RNF150: variants seen among roughly 807,000 people sequenced by gnomAD.
RNF150 encodes ring finger protein 150.
Under a neutral mutation model 39.3 loss-of-function variants are expected in RNF150, and 24 were observed. The ratio of observed to expected loss-of-function variants is 0.61; its 90% CI spans 0.44 to 0.86. The LOEUF (loss-of-function observed/expected upper bound fraction) is 0.86, where lower values mean the gene tolerates loss of function less well. RNF150 is among the 40% of genes least tolerant of loss of function. The pLI, the probability that RNF150 is intolerant of heterozygous loss-of-function variation, is 0.00. For missense variants in RNF150, 502 were observed against 587.8 expected (o/e 0.85, Z 1.51); for synonymous variants, 255 against 227.3 (o/e 1.12, Z -1.10).
chr4:140,888,038 T>A (rs1164899535), intron 6 of RNF150, among the ~76,000 whole-genome samples: 2 of 152,236 alleles, frequency 1.3e-5, no homozygotes, highest in Admixed American at 1.3e-4. Flanking sequence ...ATTCTGACTA[T>A]CTGTTTCTCC....
chr4:141,122,548 T>C lies in RNF150; in HGVS notation c.484+9777A>G, dbSNP rs190275557. ...CTACACATGAATAGCCTTTGACTAA[T>C]CCCATACTCTGGAACTTGACCTAAG... is the stretch of plus-strand genomic sequence containing the variant. On this transcript the variant is annotated intron_variant, in intron 1 of 6. Transcript: ENST00000515673. Among the ~76,000 whole-genome samples the C allele has an allele frequency of 3.1e-3, 473 of 152,334 alleles. 1 individual carries two copies. Among genetic ancestry groups the C allele is most frequent in the African/African-American group, 0.01 (420 of 41,568 alleles).
chr4:141,136,723 A>G (rs759740291), upstream of RNF150, among the ~76,000 whole-genome samples: 2 of 152,248 alleles, frequency 1.3e-5, no homozygotes, highest in African/African-American at 2.4e-5. Context: ...AACAAAACAG[A>G]TAAGATTCTT....
intron 1 of RNF150, among the ~76,000 whole-genome samples, chr4:141,105,595 T>C (rs1279825931): frequency 3.3e-5 from 5 of 152,146 alleles, no homozygotes; most frequent in African/African-American, 1.2e-4. Flanking sequence ...ATCAGAGCCA[T>C]GCTAGTAATA....
At chr4:141,004,491 A>G (rs1378181221) in intron 1 of RNF150, among the ~76,000 whole-genome samples, 1 of 152,240 alleles carries the variant, frequency 6.6e-6, no homozygotes, top group Non-Finnish European at 1.5e-5. Context: ...TCTAAAGTCT[A>G]TAATTTTCCA....
intron 1 of RNF150, among the ~76,000 whole-genome samples, chr4:141,050,439 T>G (rs1736733958): frequency 6.6e-6 from 1 of 152,172 alleles, no homozygotes; most frequent in African/African-American, 2.4e-5. Context: ...GTCCAACATC[T>G]CATCTGAGAA....
At chr4:141,053,656 T>C in intron 1 of RNF150, 2 of 1,341,250 alleles carry the variant, frequency 1.5e-6, no homozygotes, top group Non-Finnish European at 1.9e-6. Context: ...TTTTAGAGGC[T>C]AAAGCATACC....
intron 1 of RNF150, among the ~76,000 whole-genome samples, chr4:141,174,990 T>A (rs1384075044): frequency 6.6e-6 from 1 of 152,094 alleles, no homozygotes; most frequent in Non-Finnish European, 1.5e-5. Flanking sequence ...GCTCCAAGTC[T>A]TTTTACATCA....
chr4:140,904,110 G>C (rs1266712995), intron 6 of RNF150, among the ~76,000 whole-genome samples: 2 of 152,198 alleles, frequency 1.3e-5, no homozygotes, highest in Non-Finnish European at 2.9e-5. Flanking sequence ...AGAGATCTTT[G>C]CTTTTTGGAA....
chr4:140,884,290 T>C (rs906078996), intron 6 of RNF150, among the ~76,000 whole-genome samples: 10 of 152,208 alleles, frequency 6.6e-5, no homozygotes, highest in African/African-American at 2.2e-4. Flanking sequence ...TATCTCCATT[T>C]TTTAGGGGTA....
rs1728714468 is a variant in RNF150, at chr4:140,866,508, T to C, written c.*1753A>G. On this transcript the variant is annotated 3_prime_UTR_variant, in exon 7 of 7. Transcript: ENST00000515673. ...TAGGGAGATGCAACCTTTCTGAGGG[T>C]AATAATCATCTGCCTTGCCTTACTG... 1.3e-5 allele frequency: 2 copies of C among 152,190 alleles called. No individual in the cohort carries two copies. Among genetic ancestry groups the C allele is most frequent in the Non-Finnish European group, 2.9e-5 (2 of 68,046 alleles). 9.4% of individuals were successfully genotyped at this position (152,190 alleles called of 1,614,324 possible). A position where few individuals can be genotyped will look rare whatever the true frequency, so the allele number is the denominator to read the frequency against.
At chr4:141,063,922 G>C (rs1295603353) in intron 1 of RNF150, among the ~76,000 whole-genome samples, 1 of 149,864 alleles carries the variant, frequency 6.7e-6, no homozygotes. Flanking sequence ...CAAAGGTTTT[G>C]GCCTTAGCCT....
rs528242009 is a variant in RNF150, at chr4:141,181,218, G to A, written c.-6+31576C>T. 3.8e-4 allele frequency among the ~76,000 whole-genome samples: 58 copies of A among 152,134 alleles called. 2 individuals are homozygous for A. The South Asian group carries it at 0.012, about 31-fold the overall frequency. On this transcript the variant is annotated intron_variant, in intron 1 of 7. Transcript: ENST00000420921. Reference sequence around the variant, plus strand: ...CACCCAGTGCCCCTGAAGGGCAAGTGGATTCACATTCACTTCACTAAGAAT... The same window carrying A: ...CACCCAGTGCCCCTGAAGGGCAAGTAGATTCACATTCACTTCACTAAGAAT...
At chr4:141,113,339 A>T (rs1739452161) in intron 1 of RNF150, among the ~76,000 whole-genome samples, 1 of 10,732 alleles carries the variant, frequency 9.3e-5, no homozygotes, top group Admixed American at 2.0e-3. Flanking sequence ...TGGAAAGTTA[A>T]AAAAAAAAAA....
At chr4:141,170,218 T>C (rs1027558127) in intron 1 of RNF150, among the ~76,000 whole-genome samples, 1 of 152,222 alleles carries the variant, frequency 6.6e-6, no homozygotes, top group African/African-American at 2.4e-5. Flanking sequence ...ATATTTGTAA[T>C]GGTTATAAGT....
chr4:141,166,893 A>T (rs1237419124), intron 1 of RNF150, among the ~76,000 whole-genome samples: 1 of 152,200 alleles, frequency 6.6e-6, no homozygotes, highest in African/African-American at 2.4e-5. Flanking sequence ...CAAGACAAGG[A>T]TGCCCTCTCT....
chr4:141,187,171 G>A (rs1261276007), intron 1 of RNF150, among the ~76,000 whole-genome samples: 3 of 152,174 alleles, frequency 2.0e-5, no homozygotes, highest in Non-Finnish European at 4.4e-5. Flanking sequence ...GGTTTTGAGT[G>A]AGTGTCTTAC....
chr4:141,172,459 C>G (rs1167384710), intron 1 of RNF150, among the ~76,000 whole-genome samples: 1 of 152,146 alleles, frequency 6.6e-6, no homozygotes, highest in Non-Finnish European at 1.5e-5. Context: ...AATTTATCTA[C>G]TAAGTTACCC....
chr4:141,001,763 T>C (rs1434596895), intron 1 of RNF150, among the ~76,000 whole-genome samples: 2 of 152,146 alleles, frequency 1.3e-5, no homozygotes, highest in Admixed American at 6.5e-5. Flanking sequence ...TTACATATTA[T>C]AGAGTATTCT....
chr4:140,916,000 A>G (rs1479641221), intron 5 of RNF150, among the ~76,000 whole-genome samples: 2 of 152,198 alleles, frequency 1.3e-5, no homozygotes, highest in African/African-American at 4.8e-5. Flanking sequence ...CCTTAGAAGG[A>G]AAACTAACAA....
Sources: gnomAD v4.1 joint callset for allele counts (sites outside exome capture counted in the v4.1 genomes callset) on GRCh38, gnomAD v4.1.1 for gene constraint, MANE v1.5 for transcripts, NCBI Gene and HGNC (gene_info 2026-07-23, HGNC 2026-07-21) for gene names.